The following COL4A4 variants were observed in gnomAD, a reference collection of about 807,000 sequenced individuals.
COL4A4 encodes collagen type IV alpha 4 chain.
Under a neutral mutation model 192.9 loss-of-function variants are expected in COL4A4, and 105 were observed. The observed-to-expected ratio is 0.54, with a 90% confidence interval of 0.46 to 0.64. The LOEUF (loss-of-function observed/expected upper bound fraction) is 0.64, where lower values mean the gene tolerates loss of function less well. Ranked by LOEUF, COL4A4 falls within the 30% of genes least tolerant of loss-of-function variation. COL4A4 has a pLI of 0.00. For missense variants in COL4A4, 1,967 were observed against 2,169.3 expected (o/e 0.91, Z 1.85); for synonymous variants, 762 against 769.9 (o/e 0.99, Z 0.17).
chr2:226,978,246 A>G, the COL4A4 span, among the ~76,000 whole-genome samples: 52 of 152,302 alleles, frequency 3.4e-4, no homozygotes, highest in Admixed American at 2.1e-3. Context: ...TTAAAATTCA[A>G]ATATTCAATT....
chr2:227,057,335 C>T (rs1202457375), intron 29 of COL4A4, 104 bp downstream of exon 29: 51 of 1,352,544 alleles, frequency 3.8e-5, no homozygotes, highest in Non-Finnish European at 5.1e-5. Context: ...TTGTCTCTGA[C>T]TCAGGACTCT....
At chr2:227,097,514 A>G (rs2060266695) in intron 19 of COL4A4, among the ~76,000 whole-genome samples, 1 of 152,216 alleles carries the variant, frequency 6.6e-6, no homozygotes, top group Non-Finnish European at 1.5e-5. Context: ...AACCTTGTGA[A>G]TTAAGAGGTT....
rs2059479027 is a variant in COL4A4 at position 227,084,430 on chromosome 2, A to T, written c.1624-2243T>A. Among the ~76,000 whole-genome samples, 4 of 152,164 alleles carry T rather than the reference A, an allele frequency of 2.6e-5. No homozygotes were observed. In the South Asian group the frequency reaches 8.3e-4, roughly 32 times the overall value. ...CAGTGTATTACTCAGCACATTGGAG[A>T]CTTCAAATGTATGACGAATTGCTCT... On this transcript the variant is annotated intron_variant, in intron 22 of 47. Transcript: ENST00000396625.
chr2:227,091,910 GAAA>G lies in COL4A4; in HGVS notation c.1370-1956_1370-1954del, dbSNP rs2059955049. Among the ~76,000 whole-genome samples the G allele has an allele frequency of 7.2e-5, 5 of 69,364 alleles. No homozygotes were observed. The Admixed American group carries it at 7.7e-4, about 11-fold the overall frequency. 45.5% of individuals were successfully genotyped at this position (69,364 alleles called of 152,430 possible). ...CTCTGTCTCAGGAAGAAAAAAGAAA[GAAA>G]GAAAGAAAGAAAGAAAAGAAAAGAA... On this transcript the variant is annotated intron_variant, in intron 20 of 47. Coordinates refer to ENST00000396625, the MANE Select transcript of COL4A4 (RefSeq NM_000092.5).
chr2:227,149,678 A>G (rs1031854891), intron 1 of COL4A4, among the ~76,000 whole-genome samples: 1 of 152,242 alleles, frequency 6.6e-6, no homozygotes, highest in East Asian at 1.9e-4. Flanking sequence ...AACAAGAGGT[A>G]TTTACATTTT....
rs1576422729 is a variant in COL4A4, at chr2:227,089,085, A to G, written c.1460-269T>C. 2.0e-5 allele frequency among the ~76,000 whole-genome samples: 3 copies of G among 152,294 alleles called. No individual in the cohort carries two copies. In the Middle Eastern group the frequency reaches 0.01, roughly 518 times the overall value. On this transcript the variant is annotated intron_variant, in intron 21 of 47. Transcript: ENST00000396625. ...AAATTTATCCTGACAAATTCTAGGG[A>G]AAAGCTGATATCCAATTCTACTGAA...
rs73078233 is a variant in COL4A4 at position 227,085,508 on chromosome 2, G to A, written c.1623+3145C>T. Among the ~76,000 whole-genome samples, 1,023 of 152,294 alleles carry A rather than the reference G, an allele frequency of 6.7e-3. 17 individuals carry two copies. The highest frequency in any genetic ancestry group is 0.023 in the African/African-American group (967 of 41,554). On this transcript the variant is annotated intron_variant, in intron 22 of 47. Transcript: ENST00000396625. ...GCCGGGTAATTTGTAAAGAAAAGGG[G>A]CTCATGGTTCTGCAGACTGTACAAG...
chr2:226,991,810 A>G, the COL4A4 span, among the ~76,000 whole-genome samples: 1 of 152,174 alleles, frequency 6.6e-6, no homozygotes, highest in Non-Finnish European at 1.5e-5. Context: ...AGAATCATGG[A>G]AAGGACCCTG....
intron 9 of COL4A4, among the ~76,000 whole-genome samples, chr2:227,110,631 T>A (rs1158605479): frequency 1.3e-5 from 2 of 149,578 alleles, no homozygotes; most frequent in African/African-American, 4.9e-5. Flanking sequence ...TCCACCCGCC[T>A]CAGCCTCCCA....
chr2:227,146,549 G>A (rs1246554485), intron 2 of COL4A4, among the ~76,000 whole-genome samples: 1 of 152,018 alleles, frequency 6.6e-6, no homozygotes, highest in Non-Finnish European at 1.5e-5. Context: ...GCTGTCACAC[G>A]TTACCACACA....
In COL4A4 at chr2:227,045,785, TATATATATATATACAC is replaced by T. The variant is rs1166167944; in HGVS notation, c.3289+1674_3289+1689del. On this transcript the variant is annotated intron_variant, in intron 35 of 47. Transcript: ENST00000396625. Reference sequence around the variant, plus strand: ...CTCCATCTCAAAAAAAAAAAATACATATATATATATATACACATATATATATATATACACATATATA... The same window carrying T: ...CTCCATCTCAAAAAAAAAAAATACATATATATATATATATACACATATATA... Among the ~76,000 whole-genome samples the T allele has an allele frequency of 1.3e-3, 79 of 60,130 alleles. 13 individuals are homozygous for T. Among genetic ancestry groups the T allele is most frequent in the African/African-American group, 8.9e-3 (63 of 7,098 alleles). 39.4% of individuals were successfully genotyped at this position (60,130 alleles called of 152,430 possible). A position where few individuals can be genotyped will look rare whatever the true frequency, so the allele number is the denominator to read the frequency against.
intron 24 of COL4A4, 22 bp downstream of exon 24, chr2:227,080,421 G>C: frequency 6.3e-6 from 10 of 1,583,520 alleles, no homozygotes; most frequent in Non-Finnish European, 8.7e-6. Context: ...AAATTCTATA[G>C]CAAGAGAAGA....
chr2:227,090,588 G>A (rs1192243192), intron 20 of COL4A4, among the ~76,000 whole-genome samples: 1 of 151,336 alleles, frequency 6.6e-6, no homozygotes, highest in Admixed American at 6.6e-5. Flanking sequence ...CCCCATCTCT[G>A]CAAAATCACA....
chr2:227,059,384 AG>A lies in COL4A4; in HGVS notation c.2383+20del, dbSNP rs1976310234. 1 of 1,604,494 alleles carries A rather than the reference AG, an allele frequency of 6.2e-7. No individual in the cohort carries two copies. Among genetic ancestry groups the A allele is most frequent in the African/African-American group, 1.3e-5 (1 of 74,832 alleles). ...AACTGAGCCAGCTCTATGCACCAAA[AG>A]GACAGCAAAGCCCTCATACCTTCAG... On this transcript the variant is annotated intron_variant, in intron 28 of 47. Transcript: ENST00000396625.
intron 3 of COL4A4, among the ~76,000 whole-genome samples, chr2:227,141,940 T>C (rs2063235209): frequency 6.6e-6 from 1 of 151,832 alleles, no homozygotes; most frequent in African/African-American, 2.4e-5. Context: ...TCAAAACAAC[T>C]AGAGGAAAAA....
At chr2:227,107,218 A>G (rs1331228360) in intron 12 of COL4A4, among the ~76,000 whole-genome samples, 1 of 152,232 alleles carries the variant, frequency 6.6e-6, no homozygotes, top group South Asian at 2.1e-4. Flanking sequence ...CCCTTCCCAC[A>G]GGGACATTTG....
At chr2:227,104,760 C>A (rs897942629) in intron 12 of COL4A4, among the ~76,000 whole-genome samples, 6 of 150,962 alleles carry the variant, frequency 4.0e-5, no homozygotes, top group Admixed American at 3.3e-4. Flanking sequence ...CCTGCCTCAG[C>A]CTCCAGAGTA....
At chr2:227,077,856 CA>C in intron 25 of COL4A4, 37 bp downstream of exon 25, 1 of 1,557,466 alleles carries the variant, frequency 6.4e-7, no homozygotes, top group Non-Finnish European at 8.8e-7. Flanking sequence ...ACTTGTACCC[CA>C]AAGCTATTGA....
chr2:227,108,956 A>G, intron 10 of COL4A4, 88 bp from the exon 11 acceptor site: 4 of 1,297,908 alleles, frequency 3.1e-6, no homozygotes, highest in Non-Finnish European at 4.5e-6. Flanking sequence ...ATAGGGTCCT[A>G]TTTAGGAAAC....
Sources: gnomAD v4.1 joint callset for allele counts (sites outside exome capture counted in the v4.1 genomes callset) on GRCh38, gnomAD v4.1.1 for gene constraint, MANE v1.5 for transcripts, NCBI Gene and HGNC (gene_info 2026-07-23, HGNC 2026-07-21) for gene names.